GRIK1: variants seen among roughly 807,000 people sequenced by gnomAD.
The protein encoded by GRIK1 is glutamate ionotropic receptor kainate type subunit 1.
In GRIK1, 69 loss-of-function variants were observed where a neutral mutation model predicts 105.7. The observed-to-expected ratio is 0.65, with a 90% CI of 0.54 to 0.80. The LOEUF (loss-of-function observed/expected upper bound fraction) is 0.80. Ranked by LOEUF, GRIK1 falls within the 30% of genes least tolerant of loss-of-function variation. The pLI is 0.00. For missense variants in GRIK1, 1,109 were observed against 1,167.3 expected (o/e 0.95, Z 0.73); for synonymous variants, 438 against 431.3 (o/e 1.02, Z -0.19).
At chr21:29,718,832 T>A (rs546796784) in intron 1 of GRIK1, among the ~76,000 whole-genome samples, 3 of 152,184 alleles carry the variant, frequency 2.0e-5, no homozygotes, top group Middle Eastern at 3.2e-3. Flanking sequence ...TAGTGCTCAG[T>A]GCCTTTGCAC....
At chr21:29,921,449 T>C (rs548311111) in intron 1 of GRIK1, among the ~76,000 whole-genome samples, 13 of 152,308 alleles carry the variant, frequency 8.5e-5, no homozygotes, top group South Asian at 4.1e-4. Context: ...AAAAAGTATC[T>C]TAATCTGTAA....
intron 7 of GRIK1, among the ~76,000 whole-genome samples, chr21:29,624,026 A>G (rs1254625292): frequency 6.6e-6 from 1 of 152,214 alleles, no homozygotes; most frequent in African/African-American, 2.4e-5. Context: ...TAGTGTAATG[A>G]AAAGAAAATG....
At chr21:29,581,896 A>G (rs1296738536) in intron 12 of GRIK1, among the ~76,000 whole-genome samples, 2 of 152,186 alleles carry the variant, frequency 1.3e-5, no homozygotes, top group African/African-American at 4.8e-5. Context: ...TACCCCACCA[A>G]GTAGCGACGA....
chr21:29,537,333 T>C lies in GRIK1; in HGVS notation c.2747A>G (p.Gln916Arg), dbSNP rs765649642. 3.7e-6 allele frequency: 6 copies of C among 1,611,784 alleles called. No homozygotes were observed. Among genetic ancestry groups the C allele is most frequent in the Non-Finnish European group, 5.1e-6 (6 of 1,178,368 alleles). ...TCTTGACTTTTTCTTTATTTTTTTC[T>C]GATTCTTCAGTGAGATTCCCAGTTC... ...MEELGISLKN[Q>R]KKIKKKSRTK... Residue 916 changes from glutamine to arginine, a missense_variant, in exon 18 of 18, where the codon CAG becomes CGG. By Grantham distance (43) the Gln-to-Arg change is conservative. Coordinates refer to ENST00000327783, the MANE Select transcript of GRIK1 (RefSeq NM_001330994.2).
chr21:29,767,088 C>T (rs905108640), intron 1 of GRIK1, among the ~76,000 whole-genome samples: 5 of 152,248 alleles, frequency 3.3e-5, no homozygotes, highest in Admixed American at 2.6e-4. Flanking sequence ...CTCTGTGGGG[C>T]TGTGTGACTG....
At position 29,880,404 on chromosome 21, in the gene GRIK1, C is replaced by T. The variant is rs931181323; in HGVS notation, c.118+58979G>A. On this transcript the variant is annotated intron_variant, in intron 1 of 17. Transcript: ENST00000327783. ...CTGGCAAGATAGCAAATTCCAATTT[C>T]CTATGATCAGAGAATCTTATTACAT... Among the ~76,000 whole-genome samples the T allele has an allele frequency of 1.3e-5, 2 of 151,710 alleles. 1 individual carries two copies. The highest frequency in any genetic ancestry group is 4.1e-4 in the South Asian group (2 of 4,828).
chr21:29,661,720 T>C (rs908308875), intron 4 of GRIK1, among the ~76,000 whole-genome samples: 1 of 152,252 alleles, frequency 6.6e-6, no homozygotes, highest in Non-Finnish European at 1.5e-5. Flanking sequence ...CTCATCTTTC[T>C]GTGATTATGG....
chr21:29,573,806 G>A (rs1009136339), intron 14 of GRIK1, among the ~76,000 whole-genome samples: 2 of 148,684 alleles, frequency 1.3e-5, no homozygotes, highest in African/African-American at 5.0e-5. Flanking sequence ...CCAAGACTGC[G>A]CCACTGCACT....
intron 11 of GRIK1, 40 bp from the exon 12 acceptor site, chr21:29,587,629 T>A (rs372191947): frequency 2.3e-4 from 272 of 1,189,668 alleles, no homozygotes; most frequent in Non-Finnish European, 3.2e-4. Context: ...TAGTCTAGTT[T>A]CTTTGCAAAT....
intron 1 of GRIK1, among the ~76,000 whole-genome samples, chr21:29,826,139 A>G (rs1314859316): frequency 6.6e-6 from 1 of 152,076 alleles, no homozygotes; most frequent in African/African-American, 2.4e-5. Flanking sequence ...CTGGGTGACG[A>G]TCTGTATATT....
At chr21:29,816,693 G>A (rs1007923263) in intron 1 of GRIK1, among the ~76,000 whole-genome samples, 1 of 152,100 alleles carries the variant, frequency 6.6e-6, no homozygotes, top group Non-Finnish European at 1.5e-5. Flanking sequence ...GCCAAGCACA[G>A]AAAGTCAAAC....
At chr21:29,659,367 A>G (rs1356751740) in intron 4 of GRIK1, among the ~76,000 whole-genome samples, 2 of 152,316 alleles carry the variant, frequency 1.3e-5, no homozygotes, top group Admixed American at 6.5e-5. Context: ...CCCTACCTCT[A>G]ATGATCACCA....
At chr21:29,872,679 T>A (rs554342869) in intron 1 of GRIK1, among the ~76,000 whole-genome samples, 6 of 152,242 alleles carry the variant, frequency 3.9e-5, no homozygotes, top group Middle Eastern at 6.8e-3. Context: ...ACAATCATGA[T>A]GGAATGTGAA....
chr21:29,713,639 T>C (rs967703335), intron 1 of GRIK1, among the ~76,000 whole-genome samples: 1 of 152,134 alleles, frequency 6.6e-6, no homozygotes, highest in Non-Finnish European at 1.5e-5. Context: ...ATAGTAAATC[T>C]TGATTGGGGG....
rs577612342 is a variant in GRIK1, at chr21:29,705,888, T to G, written c.119-11825A>C. 7.3e-5 allele frequency among the ~76,000 whole-genome samples: 11 copies of G among 151,406 alleles called. No homozygotes were observed. The East Asian group carries it at 1.7e-3, about 24-fold the overall frequency. ...CTTTTCTTTTCTTTTTTTTTTTTTT[T>G]TGTGAGATGGAGTTTTGCTCTGTCA... On this transcript the variant is annotated intron_variant, in intron 1 of 17. Coordinates refer to ENST00000327783, the MANE Select transcript of GRIK1 (RefSeq NM_001330994.2).
rs372196161 is a variant in GRIK1 at position 29,537,397 on chromosome 21, G to A, written c.2695-12C>T. 6.3e-5 allele frequency: 101 copies of A among 1,602,578 alleles called. No individual in the cohort carries two copies. The highest frequency in any genetic ancestry group is 5.0e-4 in the Middle Eastern group (3 of 6,020). Reference sequence around the variant, plus strand: ...TTGAAAGAGAGACACTAGGGAACATGAGATACAGACCATCAGCTTAATTAA... The same window carrying A: ...TTGAAAGAGAGACACTAGGGAACATAAGATACAGACCATCAGCTTAATTAA... On this transcript the variant is annotated splice_polypyrimidine_tract_variant and intron_variant, in intron 17 of 17. Transcript: ENST00000327783.
chr21:29,841,302 C>G (rs2067976399), intron 1 of GRIK1, among the ~76,000 whole-genome samples: 1 of 152,102 alleles, frequency 6.6e-6, no homozygotes, highest in Non-Finnish European at 1.5e-5. Context: ...AAGTCTGCAT[C>G]AAAATTGTCT....
In GRIK1 at chr21:29,888,198, T is replaced by TTTCTTC. The variant is rs1555905563; in HGVS notation, c.118+51184_118+51185insGAAGAA. 1.2e-3 allele frequency among the ~76,000 whole-genome samples: 44 copies of TTTCTTC among 38,254 alleles called. 2 individuals are homozygous for TTTCTTC. The highest frequency in any genetic ancestry group is 2.2e-3 in the East Asian group (2 of 902). The allele number at this position is 38,254 out of a possible 152,430, so 25.1% of individuals were successfully genotyped here. On this transcript the variant is annotated intron_variant, in intron 1 of 17. Transcript: ENST00000327783. ...CTTTCTTTCTTCCTTTCTTTCTTTC[T>TTTCTTC]CTCTCTCTCTCTCTCTCTCTCTCTC...
chr21:29,734,648 C>T (rs2064740454), intron 1 of GRIK1, among the ~76,000 whole-genome samples: 1 of 152,116 alleles, frequency 6.6e-6, no homozygotes, highest in Admixed American at 6.6e-5. Context: ...ATCCACCCCC[C>T]TGGGCCTCCC....
Sources: allele counts gnomAD v4.1 joint callset (sites outside exome capture counted in the v4.1 genomes callset), GRCh38; gene constraint gnomAD v4.1.1; transcripts MANE v1.5; gene names NCBI Gene and HGNC (gene_info 2026-07-23, HGNC 2026-07-21).